The following EPHA6 variants were observed in gnomAD, a reference collection of about 807,000 sequenced individuals.
The protein encoded by EPHA6 is ephrin type-A receptor 6.
EPHA6 carries 50 observed loss-of-function variants against 112.0 expected under a neutral mutation model. The ratio of observed to expected loss-of-function variants is 0.45; its 90% CI spans 0.36 to 0.56. The LOEUF (loss-of-function observed/expected upper bound fraction) is 0.56. Among genes scored for constraint, EPHA6 ranks in the 20% least tolerant of loss-of-function variants. The pLI is 0.00. For missense variants in EPHA6, 1,280 were observed against 1,417.4 expected, an observed-to-expected ratio of 0.90 and a Z score of 1.56; for synonymous variants, 529 against 490.7, an observed-to-expected ratio of 1.08 and a Z score of -1.03.
intron 14 of EPHA6, among the ~76,000 whole-genome samples, chr3:97,715,147 A>G (rs1055061779): frequency 3.9e-5 from 6 of 152,192 alleles, no homozygotes; most frequent in Non-Finnish European, 7.3e-5. Context: ...GTCTGCCATC[A>G]GGCTGTCTGC....
At chr3:96,945,119 T>C (rs1432157714) in intron 2 of EPHA6, among the ~76,000 whole-genome samples, 1 of 152,244 alleles carries the variant, frequency 6.6e-6, no homozygotes, top group Non-Finnish European at 1.5e-5. Flanking sequence ...GAAACAGATA[T>C]CTGTGATTTT....
rs372296627 is a variant in EPHA6 at position 96,977,266 on chromosome 3, TAGAA to T, written c.451-10060_451-10057del. Among the ~76,000 whole-genome samples the T allele has an allele frequency of 6.4e-3, 931 of 145,418 alleles. 2 individuals carry two copies. Among genetic ancestry groups the T allele is most frequent in the Middle Eastern group, 0.021 (6 of 290 alleles). On this transcript the variant is annotated intron_variant, in intron 2 of 17. Coordinates refer to ENST00000389672, the MANE Select transcript of EPHA6 (RefSeq NM_001080448.3). ...TATCTTAAATGAAACAACTGACACA[TAGAA>T]AGACAAATACTGCATGTTCTCATTT... is the stretch of plus-strand genomic sequence containing the variant.
chr3:97,243,966 C>T lies in EPHA6; in HGVS notation c.1285C>T (p.Pro429Ser). The change falls in exon 5 of 18, where the codon CCT becomes TCT. Residue 429 changes from proline (P) to serine (S), a missense_variant. Physicochemically the swap from Pro to Ser is moderately conservative, Grantham distance 74. This residue lies in a region of EPHA6 where 878 missense variants were observed against 999.7 expected (regional missense o/e 0.88). Transcript: ENST00000389672. Reference sequence around the variant, plus strand: ...CTTTTCTCTAGGGCCACCTTCAGCTCCTAGGAATGTGGTTTTTAACATCAA... The same window carrying T: ...CTTTTCTCTAGGGCCACCTTCAGCTTCTAGGAATGTGGTTTTTAACATCAA... The part of the protein sequence containing the change: ...SMACTRPPSA[P>S]RNVVFNINET... The T allele has an allele frequency of 6.2e-6, 10 of 1,607,908 alleles. No homozygotes were observed. Among genetic ancestry groups the T allele is most frequent in the Non-Finnish European group, 8.5e-6 (10 of 1,176,144 alleles).
chr3:97,749,191 T>A lies in EPHA6; in HGVS notation c.*490T>A, dbSNP rs2035833734. ...ATTGGTTGTATTATTACTTTATTTT[T>A]TAATACTTTAACTGTTGGTGCCTGA... On this transcript the variant is annotated 3_prime_UTR_variant, in exon 18 of 18. Coordinates refer to ENST00000389672, the MANE Select transcript of EPHA6 (RefSeq NM_001080448.3). The A allele has an allele frequency of 1.3e-5, 3 of 223,428 alleles. No homozygotes were observed. The highest frequency in any genetic ancestry group is 2.2e-5 in the African/African-American group (1 of 44,750). The allele number at this position is 223,428 out of a possible 1,614,324, so 13.8% of individuals were successfully genotyped here. A position where few individuals can be genotyped will look rare whatever the true frequency, so the allele number is the denominator to read the frequency against.
chr3:97,481,171 T>G, intron 9 of EPHA6: 1 of 926,298 alleles, frequency 1.1e-6, no homozygotes, highest in South Asian at 1.3e-5. Flanking sequence ...GCCACTGCAC[T>G]CCAGCCGAAC....
intron 5 of EPHA6, among the ~76,000 whole-genome samples, chr3:97,368,324 G>A (rs2108967910): frequency 6.6e-6 from 1 of 152,174 alleles, no homozygotes; most frequent in South Asian, 2.1e-4. Context: ...AAGGTATTAT[G>A]TGAATAATTT....
intron 14 of EPHA6, among the ~76,000 whole-genome samples, chr3:97,699,177 T>C (rs2033218505): frequency 6.6e-6 from 1 of 152,154 alleles, no homozygotes; most frequent in South Asian, 2.1e-4. Flanking sequence ...TTTGCTCCTC[T>C]TCACTTCCTG....
intron 10 of EPHA6, among the ~76,000 whole-genome samples, chr3:97,527,992 A>G (rs976738603): frequency 2.0e-5 from 3 of 152,134 alleles, no homozygotes; most frequent in African/African-American, 7.2e-5. Context: ...CCTTAATCTT[A>G]GGACTCGCAC....
At chr3:97,592,547 T>C in intron 11 of EPHA6, 65 bp from the exon 12 acceptor site, 1 of 1,582,194 alleles carries the variant, frequency 6.3e-7, no homozygotes, top group Non-Finnish European at 8.6e-7. Context: ...TTTTATTCCA[T>C]GTAAATGATC....
At chr3:97,271,341 T>C (rs2079872482) in intron 5 of EPHA6, among the ~76,000 whole-genome samples, 1 of 152,274 alleles carries the variant, frequency 6.6e-6, no homozygotes, top group Admixed American at 6.5e-5. Context: ...TACTGTCCTT[T>C]TGTGTGCCTT....
intron 11 of EPHA6, among the ~76,000 whole-genome samples, chr3:97,535,412 T>C (rs2092749639): frequency 6.6e-6 from 1 of 152,118 alleles, no homozygotes; most frequent in South Asian, 2.1e-4. Flanking sequence ...CATTGTAGCA[T>C]TAACTTGTTA....
At chr3:97,364,204 T>C (rs1004155771) in intron 5 of EPHA6, among the ~76,000 whole-genome samples, 1 of 152,018 alleles carries the variant, frequency 6.6e-6, no homozygotes, top group African/African-American at 2.4e-5. Flanking sequence ...TCTGAATTAG[T>C]GGGAAATTTT....
chr3:97,742,058 C>T (rs1382585402), intron 16 of EPHA6, among the ~76,000 whole-genome samples: 2 of 152,058 alleles, frequency 1.3e-5, no homozygotes, highest in African/African-American at 2.4e-5. Context: ...GAAAATATGG[C>T]AGTAACATCA....
chr3:97,058,911 A>G (rs1171735833), intron 3 of EPHA6, among the ~76,000 whole-genome samples: 2 of 152,174 alleles, frequency 1.3e-5, no homozygotes, highest in Admixed American at 6.5e-5. Flanking sequence ...CAAATCCTGG[A>G]GGGAAAATGT....
chr3:97,745,832 G>A (rs1173482618), intron 16 of EPHA6, among the ~76,000 whole-genome samples: 1 of 151,652 alleles, frequency 6.6e-6, no homozygotes, highest in African/African-American at 2.4e-5. Context: ...GATTTTTAAG[G>A]GTAATTTTGA....
chr3:97,205,015 T>A (rs1026409801), intron 3 of EPHA6, among the ~76,000 whole-genome samples: 3 of 152,092 alleles, frequency 2.0e-5, no homozygotes, highest in Admixed American at 6.6e-5. Flanking sequence ...GGTTTGTAAC[T>A]CTTGCAAATC....
chr3:97,508,984 CTTTTTTTTTTTTTTTTTTTTTTTT>C (rs141763479), intron 10 of EPHA6, among the ~76,000 whole-genome samples: 1 of 22,312 alleles, frequency 4.5e-5, no homozygotes, highest in Non-Finnish European at 9.4e-5. Context: ...GCATCCCTGG[CTTTTTTTTTTTTTTTTTTTTTTTT>C]TTTTTTTTTT....
intron 1 of EPHA6, among the ~76,000 whole-genome samples, chr3:96,823,694 G>A (rs1315422670): frequency 1.3e-5 from 2 of 151,666 alleles, no homozygotes; most frequent in Non-Finnish European, 3.0e-5. Flanking sequence ...TGGTCCACTT[G>A]CTAGCAATCA....
At chr3:97,656,408 T>C (rs1193469474) in intron 14 of EPHA6, among the ~76,000 whole-genome samples, 2 of 151,854 alleles carry the variant, frequency 1.3e-5, no homozygotes, top group African/African-American at 4.8e-5. Flanking sequence ...TTCCTCAGTG[T>C]CACCATAGGG....
Sources: allele counts gnomAD v4.1 joint callset (sites outside exome capture counted in the v4.1 genomes callset), GRCh38; gene constraint gnomAD v4.1.1; regional missense constraint gnomAD v4.1.1; transcripts MANE v1.5; gene names NCBI Gene and HGNC (gene_info 2026-07-23, HGNC 2026-07-21).